Variants in PRKAG2 observed in about 807,000 individuals in gnomAD.
The protein encoded by PRKAG2 is protein kinase AMP-activated non-catalytic subunit gamma 2.
Under a neutral mutation model 69.6 loss-of-function variants are expected in PRKAG2, and 26 were observed. The observed-to-expected ratio is 0.37, with a 90% CI of 0.27 to 0.52. The LOEUF is 0.52. Ranked by LOEUF, PRKAG2 falls within the 20% of genes least tolerant of loss-of-function variation. PRKAG2 has a pLI of 0.90. For missense variants in PRKAG2, 557 were observed against 740.0 expected, an observed-to-expected ratio of 0.75 and a Z score of 2.87; for synonymous variants, 293 against 285.0, an observed-to-expected ratio of 1.03 and a Z score of -0.28.
chr7:151,734,019 C>T (rs1799371126), intron 3 of PRKAG2, among the ~76,000 whole-genome samples: 1 of 152,086 alleles, frequency 6.6e-6, no homozygotes, highest in African/African-American at 2.4e-5. Context: ...AGTGATCCCC[C>T]AACCTTAGCC....
chr7:151,624,449 C>T (rs889401719), intron 5 of PRKAG2, among the ~76,000 whole-genome samples: 23 of 152,048 alleles, frequency 1.5e-4, no homozygotes, highest in African/African-American at 4.8e-4. Flanking sequence ...AGCACCCGGC[C>T]GTGGCAGCAT....
chr7:151,675,672 G>A (rs201370748), intron 3 of PRKAG2, 35 bp from the exon 4 acceptor site: 9 of 1,574,320 alleles, frequency 5.7e-6, no homozygotes, highest in African/African-American at 4.1e-5. Flanking sequence ...TCAGAGGTCC[G>A]GCTTCCAGGA....
chr7:151,588,251 A>C (rs905222286), intron 6 of PRKAG2, among the ~76,000 whole-genome samples: 4 of 152,090 alleles, frequency 2.6e-5, no homozygotes, highest in African/African-American at 9.7e-5. Flanking sequence ...CTTGAATTGA[A>C]GCTCCCATAA....
At chr7:151,658,871 G>A (rs1383097720) in intron 4 of PRKAG2, among the ~76,000 whole-genome samples, 1 of 152,152 alleles carries the variant, frequency 6.6e-6, no homozygotes, top group Non-Finnish European at 1.5e-5. Context: ...TGGAAAAGAG[G>A]CAAAGAATTT....
chr7:151,620,926 T>C (rs1034948499), intron 5 of PRKAG2, among the ~76,000 whole-genome samples: 3 of 151,330 alleles, frequency 2.0e-5, no homozygotes, highest in African/African-American at 7.3e-5. Flanking sequence ...GATCCACCCA[T>C]CTTGACTTCC....
intron 5 of PRKAG2, 55 bp from the exon 6 acceptor site, chr7:151,595,509 T>C (rs1039716948): frequency 8.2e-7 from 1 of 1,213,782 alleles, no homozygotes; most frequent in African/African-American, 1.5e-5. Flanking sequence ...CTCAATCGGA[T>C]GAAGAGCATA....
At chr7:151,832,889 G>A (rs191179492) in intron 1 of PRKAG2, among the ~76,000 whole-genome samples, 94 of 152,256 alleles carry the variant, frequency 6.2e-4, no homozygotes, top group African/African-American at 1.6e-3. Flanking sequence ...CTGACCCCAC[G>A]TTGCAGGACC....
chr7:151,730,821 T>C (rs1798812201), intron 3 of PRKAG2, among the ~76,000 whole-genome samples: 1 of 152,200 alleles, frequency 6.6e-6, no homozygotes, highest in Non-Finnish European at 1.5e-5. Context: ...TGAATGTTCA[T>C]GGGCCAGGAA....
intron 14 of PRKAG2, among the ~76,000 whole-genome samples, chr7:151,561,931 T>TG (rs1805068192): frequency 9.3e-6 from 1 of 108,088 alleles, no homozygotes; most frequent in African/African-American, 4.5e-5. Flanking sequence ...AGACTGTGTC[T>TG]TAAAAAAAAA....
At chr7:151,572,899 G>A (rs1370188848) in intron 8 of PRKAG2, among the ~76,000 whole-genome samples, 190 bp from the exon 9 acceptor site, 2 of 152,142 alleles carry the variant, frequency 1.3e-5, no homozygotes, top group African/African-American at 4.8e-5. Flanking sequence ...GATCACCTGA[G>A]GTCAGGAGTT....
chr7:151,624,032 A>T (rs1245505958), intron 5 of PRKAG2, among the ~76,000 whole-genome samples: 1 of 152,182 alleles, frequency 6.6e-6, no homozygotes. Context: ...TGACCAAAGT[A>T]CAACCTAAAA....
At chr7:151,868,811 G>A (rs2080142810) in intron 1 of PRKAG2, among the ~76,000 whole-genome samples, 1 of 152,162 alleles carries the variant, frequency 6.6e-6, no homozygotes, top group African/African-American at 2.4e-5. Flanking sequence ...GCCATGAGCT[G>A]AATACACCAA....
chr7:151,808,466 G>C (rs2078234970), intron 1 of PRKAG2, among the ~76,000 whole-genome samples: 1 of 152,148 alleles, frequency 6.6e-6, no homozygotes, highest in Non-Finnish European at 1.5e-5. Context: ...GAAACAGGAG[G>C]CCTCTCTCCT....
chr7:151,759,210 C>T (rs1016016190), intron 3 of PRKAG2, among the ~76,000 whole-genome samples: 3 of 152,178 alleles, frequency 2.0e-5, no homozygotes, highest in Admixed American at 6.5e-5. Context: ...ACATTTGCAT[C>T]GTGGGCCCCT....
intron 1 of PRKAG2, among the ~76,000 whole-genome samples, chr7:151,806,148 C>T (rs2078089983): frequency 1.3e-5 from 2 of 152,218 alleles, no homozygotes; most frequent in Non-Finnish European, 2.9e-5. Context: ...AGGATCCCAC[C>T]ACTGCACCCC....
intron 6 of PRKAG2, among the ~76,000 whole-genome samples, chr7:151,591,102 C>T (rs1489315158): frequency 2.0e-5 from 3 of 152,248 alleles, no homozygotes; most frequent in Non-Finnish European, 4.4e-5. Context: ...CCTGGAGCCC[C>T]TGAGGAATGT....
At chr7:151,694,531 A>G (rs1474460655) in intron 3 of PRKAG2, among the ~76,000 whole-genome samples, 1 of 152,156 alleles carries the variant, frequency 6.6e-6, no homozygotes, top group Non-Finnish European at 1.5e-5. Flanking sequence ...ACCTCATATG[A>G]GTAAAATCTG....
intron 5 of PRKAG2, among the ~76,000 whole-genome samples, chr7:151,602,906 C>T (rs940196922): frequency 4.6e-5 from 7 of 152,324 alleles, no homozygotes; most frequent in South Asian, 2.1e-4. Context: ...TGCCTCTTCC[C>T]GTTCAGCCAT....
At chr7:151,769,161 GAAC>G (rs1336726341) in intron 3 of PRKAG2, among the ~76,000 whole-genome samples, 6 of 152,186 alleles carry the variant, frequency 3.9e-5, no homozygotes, top group Non-Finnish European at 7.3e-5. Flanking sequence ...GAAAGGCTGT[GAAC>G]AAACCTCAGT....
Sources: allele counts gnomAD v4.1 joint callset (sites outside exome capture counted in the v4.1 genomes callset), GRCh38; gene constraint gnomAD v4.1.1; transcripts MANE v1.5; gene names NCBI Gene and HGNC (gene_info 2026-07-23, HGNC 2026-07-21).